CFAP99: variants seen among roughly 807,000 people sequenced by gnomAD.
The protein encoded by CFAP99 is cilia- and flagella-associated protein 99.
Under a neutral mutation model 82.7 loss-of-function variants are expected in CFAP99, and 84 were observed. The ratio of observed to expected loss-of-function variants is 1.02; its 90% CI spans 0.85 to 1.22. The LOEUF (loss-of-function observed/expected upper bound fraction) is 1.22. CFAP99 is among the 50% of genes most tolerant of loss of function. CFAP99 has a pLI of 0.00. For synonymous variants in CFAP99, 456 were observed against 429.5 expected (o/e 1.06, Z -0.76); for missense variants, 1,059 against 983.5 (o/e 1.08, Z -1.03).
chr4:2,459,074 C>G, intron 12 of CFAP99, 33 bp from the exon 13 acceptor site: 1 of 1,480,890 alleles, frequency 6.8e-7, no homozygotes, highest in Non-Finnish European at 8.9e-7. Context: ...CTGCCACCCA[C>G]CAGCCACCTC....
intron 6 of CFAP99, among the ~76,000 whole-genome samples, 152 bp downstream of exon 6, chr4:2,445,460 A>C (rs1578475512): frequency 1.3e-5 from 2 of 149,878 alleles, no homozygotes; most frequent in South Asian, 2.1e-4. Context: ...ACCCCACCCC[A>C]CCCCCACTCC....
intron 10 of CFAP99, among the ~76,000 whole-genome samples, chr4:2,451,802 G>A (rs1489384096): frequency 6.6e-6 from 1 of 152,198 alleles, no homozygotes; most frequent in Non-Finnish European, 1.5e-5. Flanking sequence ...ACAGGGGCAA[G>A]GGTGGCCAGG....
intron 10 of CFAP99, 110 bp from the exon 11 acceptor site, chr4:2,452,032 G>A: frequency 1.8e-6 from 2 of 1,115,604 alleles, no homozygotes; most frequent in Admixed American, 2.0e-5. Flanking sequence ...GGTGTCAGGA[G>A]TAGCAGCCCA....
intron 3 of CFAP99, 85 bp from the exon 4 acceptor site, chr4:2,437,985 C>T (rs942063127): frequency 2.2e-5 from 17 of 764,848 alleles, no homozygotes; most frequent in African/African-American, 3.4e-5. Flanking sequence ...TGCCCTGACA[C>T]GGTGGAGGCC....
At chr4:2,436,223 C>T (rs1733904871) in intron 2 of CFAP99, among the ~76,000 whole-genome samples, 1 of 152,124 alleles carries the variant, frequency 6.6e-6, no homozygotes, top group African/African-American at 2.4e-5. Flanking sequence ...TGCCCCACCT[C>T]GAACTCCAGG....
At chr4:2,461,198 G>A (rs369724997) in intron 14 of CFAP99, among the ~76,000 whole-genome samples, 9 of 152,160 alleles carry the variant, frequency 5.9e-5, no homozygotes, top group African/African-American at 1.9e-4. Context: ...CTGGCCCCTG[G>A]CAGCCAGGTC....
At chr4:2,459,146 G>A (rs745420258) in exon 13 of CFAP99, 42 of 1,534,284 alleles carry the variant, frequency 2.7e-5, no homozygotes, top group South Asian at 4.8e-5. Context: ...CTGCTGCAGC[G>A]CAGGGCGCAG....
chr4:2,422,713 C>T (rs548312502), intron 1 of CFAP99, among the ~76,000 whole-genome samples: 57 of 152,314 alleles, frequency 3.7e-4, no homozygotes, highest in Non-Finnish European at 6.5e-4. Flanking sequence ...AAGGCTGGGG[C>T]AAGGGGACCC....
intron 2 of CFAP99, among the ~76,000 whole-genome samples, chr4:2,431,665 C>G (rs947044119): frequency 6.6e-6 from 1 of 152,122 alleles, no homozygotes; most frequent in East Asian, 1.9e-4. Flanking sequence ...CACTTGTTCC[C>G]GTACACCCTC....
intron 6 of CFAP99, among the ~76,000 whole-genome samples, chr4:2,447,731 T>G (rs1292826913): frequency 2.0e-5 from 3 of 146,918 alleles, no homozygotes; most frequent in Admixed American, 7.1e-5. Context: ...AGTGAATGGA[T>G]GATCAGATGG....
intron 4 of CFAP99, among the ~76,000 whole-genome samples, chr4:2,442,050 G>T (rs900188139): frequency 6.6e-6 from 1 of 152,186 alleles, no homozygotes; most frequent in African/African-American, 2.4e-5. Flanking sequence ...AGCAGGTTCC[G>T]GGTAGGGCTG....
intron 11 of CFAP99, among the ~76,000 whole-genome samples, chr4:2,454,464 A>T (rs995003288): frequency 6.6e-6 from 1 of 151,780 alleles, no homozygotes; most frequent in African/African-American, 2.4e-5. Context: ...ATACAAATAC[A>T]TTGTGGAATG....
Position 2,456,161 on chromosome 4 carries a change from T to C in CFAP99, c.1162-2562T>C, listed in dbSNP as rs979463116. On this transcript the variant is annotated intron_variant, in intron 11 of 14. Transcript: ENST00000635017. ...TGAGTTCCCTATCTGGGTGCTTTTC[T>C]GTTTTTTTCAACAGTTACCAGGTTT... Among the ~76,000 whole-genome samples, 4 of 152,330 alleles carry C rather than the reference T, an allele frequency of 2.6e-5. No homozygotes were observed. In the East Asian group the frequency reaches 7.7e-4, roughly 29 times the overall value.
At chr4:2,460,014 G>C (rs560265449) in intron 13 of CFAP99, 23 bp from the exon 14 acceptor site, 10 of 1,534,178 alleles carry the variant, frequency 6.5e-6, no homozygotes, top group Non-Finnish European at 7.0e-6. Context: ...TCCCAGCTTG[G>C]GGCCTCCCCT....
At chr4:2,452,589 C>T (rs1734331226) in intron 11 of CFAP99, among the ~76,000 whole-genome samples, 4 of 152,136 alleles carry the variant, frequency 2.6e-5, no homozygotes, top group Admixed American at 2.6e-4. Flanking sequence ...CCTGGACCAG[C>T]GGGGAGCCTC....
chr4:2,440,872 G>A (rs1279541263), intron 4 of CFAP99, among the ~76,000 whole-genome samples: 1 of 151,950 alleles, frequency 6.6e-6, no homozygotes, highest in East Asian at 1.9e-4. Flanking sequence ...GGGATTACAG[G>A]CGTCAGCCAC....
chr4:2,459,225 C>T (rs545529857), exon 13 of CFAP99: 25 of 1,535,562 alleles, frequency 1.6e-5, no homozygotes, highest in Non-Finnish European at 2.1e-5. Context: ...AGACACAGCC[C>T]ACGCGCAAGG....
exon 2 of CFAP99, chr4:2,426,580 C>T: frequency 6.5e-7 from 1 of 1,534,608 alleles, no homozygotes; most frequent in Non-Finnish European, 8.7e-7. Context: ...CGGCCACCTC[C>T]CTGCAGGTAG....
chr4:2,442,627 C>G (rs1294196601), intron 4 of CFAP99, among the ~76,000 whole-genome samples: 1 of 152,186 alleles, frequency 6.6e-6, no homozygotes, highest in African/African-American at 2.4e-5. Context: ...GGGGCCGTCA[C>G]CATGGAGCCC....
Sources: allele counts gnomAD v4.1 joint callset (sites outside exome capture counted in the v4.1 genomes callset), GRCh38; gene constraint gnomAD v4.1.1; transcripts MANE v1.5; gene names NCBI Gene and HGNC (gene_info 2026-07-23, HGNC 2026-07-21).